The following SIK3 variants were observed in gnomAD, a reference collection of about 807,000 sequenced individuals.
SIK3 encodes serine/threonine-protein kinase SIK3.
In SIK3, 28 loss-of-function variants were observed where a neutral mutation model predicts 144.2. The observed-to-expected ratio is 0.19, with a 90% CI of 0.14 to 0.27. SIK3 has a LOEUF of 0.27. Ranked by LOEUF, SIK3 falls within the 10% of genes least tolerant of loss-of-function variation. The pLI, the probability that SIK3 is intolerant of heterozygous loss-of-function variation, is 1.00. For missense variants in SIK3, 1,319 were observed against 1,776.0 expected (o/e 0.74, Z 4.62); for synonymous variants, 686 against 676.3 (o/e 1.01, Z -0.22).
chr11:116,871,146 G>A (rs1279189092), intron 13 of SIK3, among the ~76,000 whole-genome samples: 1 of 152,204 alleles, frequency 6.6e-6, no homozygotes, highest in Non-Finnish European at 1.5e-5. Flanking sequence ...CCACCACAAT[G>A]CTTGTATCAC....
chr11:117,096,516 C>T (rs74799864), intron 1 of SIK3, among the ~76,000 whole-genome samples: 5,450 of 152,216 alleles, frequency 0.036, 311 homozygotes, highest in African/African-American at 0.12. Context: ...GTGAGGAGCA[C>T]ACCAAAGTCT....
intron 1 of SIK3, among the ~76,000 whole-genome samples, chr11:117,034,462 C>T (rs1249489116): frequency 6.6e-6 from 1 of 152,122 alleles, no homozygotes; most frequent in Non-Finnish European, 1.5e-5. Flanking sequence ...AAACACGATG[C>T]ACAATTGAAG....
At chr11:116,910,231 G>A (rs1439658833) in intron 4 of SIK3, among the ~76,000 whole-genome samples, 1 of 151,812 alleles carries the variant, frequency 6.6e-6, no homozygotes, top group Non-Finnish European at 1.5e-5. Context: ...AACAAGAGCT[G>A]TTAACGAAGA....
intron 4 of SIK3, among the ~76,000 whole-genome samples, chr11:116,900,224 T>C (rs1159835041): frequency 6.6e-6 from 1 of 152,184 alleles, no homozygotes; most frequent in Non-Finnish European, 1.5e-5. Flanking sequence ...CCTGTGTTAC[T>C]AGAAACACTG....
At chr11:117,010,377 G>A (rs1951205115) in intron 1 of SIK3, among the ~76,000 whole-genome samples, 1 of 152,308 alleles carries the variant, frequency 6.6e-6, no homozygotes, top group Non-Finnish European at 1.5e-5. Context: ...AATAAAAGCT[G>A]TGACAGGTAT....
intron 1 of SIK3, among the ~76,000 whole-genome samples, chr11:117,000,216 C>T (rs1950803267): frequency 6.6e-6 from 1 of 152,168 alleles, no homozygotes; most frequent in Admixed American, 6.5e-5. Flanking sequence ...TAACACTGTT[C>T]TACTATTTCT....
At chr11:117,000,264 A>G in intron 1 of SIK3, among the ~76,000 whole-genome samples, 1 of 152,224 alleles carries the variant, frequency 6.6e-6, no homozygotes, top group East Asian at 1.9e-4. Flanking sequence ...ATGTTGGGCA[A>G]GATAACATCT....
Position 117,023,617 on chromosome 11 carries a change from A to T in SIK3, c.274-66553T>A, listed in dbSNP as rs375244542. Among the ~76,000 whole-genome samples the T allele has an allele frequency of 9.5e-3, 1,033 of 109,026 alleles. 8 individuals are homozygous for T. The highest frequency in any genetic ancestry group is 0.014 in the Non-Finnish European group (760 of 55,920). The allele number at this position is 109,026 out of a possible 152,430, so 71.5% of individuals were successfully genotyped here. ...ACAAACAAACAAACAAACAAAAAAA[A>T]AAAAATATATATATATATATATATA... On this transcript the variant is annotated intron_variant, in intron 1 of 24. Coordinates refer to ENST00000445177, the MANE Select transcript of SIK3 (RefSeq NM_001366686.3).
Position 116,934,137 on chromosome 11 carries a change from C to T in SIK3, c.455-6757G>A, listed in dbSNP as rs560968867. ...TTTCTAACAAATGACACATTCTACC[C>T]TACTTAGTTGGTGTACTATCTGTCT... On this transcript the variant is annotated intron_variant, in intron 3 of 24. Coordinates refer to ENST00000445177, the MANE Select transcript of SIK3 (RefSeq NM_001366686.3). 4.6e-5 allele frequency among the ~76,000 whole-genome samples: 7 copies of T among 152,306 alleles called. No homozygotes were observed. The East Asian group carries it at 1.3e-3, about 29-fold the overall frequency.
chr11:117,013,003 C>T (rs1951331060), intron 1 of SIK3, among the ~76,000 whole-genome samples: 1 of 151,966 alleles, frequency 6.6e-6, no homozygotes, highest in Admixed American at 6.6e-5. Flanking sequence ...AAGCGCCCGC[C>T]ATTTGCCATT....
chr11:116,962,999 G>C (rs1949402829), intron 1 of SIK3, among the ~76,000 whole-genome samples: 1 of 152,122 alleles, frequency 6.6e-6, no homozygotes, highest in African/African-American at 2.4e-5. Context: ...TAATCTACCA[G>C]TTAAAGGACG....
At chr11:116,887,863 C>G (rs923878822) in intron 6 of SIK3, among the ~76,000 whole-genome samples, 1 of 152,152 alleles carries the variant, frequency 6.6e-6, no homozygotes, top group Non-Finnish European at 1.5e-5. Context: ...AATAAATCCT[C>G]TTTTAAATGT....
chr11:117,091,829 C>G (rs1955261535), intron 1 of SIK3, among the ~76,000 whole-genome samples: 1 of 152,178 alleles, frequency 6.6e-6, no homozygotes, highest in African/African-American at 2.4e-5. Context: ...GTCACCCAGG[C>G]TGGGATACAA....
chr11:117,033,640 C>T (rs1272127228), intron 1 of SIK3, among the ~76,000 whole-genome samples: 11 of 141,686 alleles, frequency 7.8e-5, no homozygotes, highest in African/African-American at 2.9e-4. Context: ...AGCCAGGAGG[C>T]GGAGCTTGCA....
At chr11:116,939,395 C>T (rs142455497) in intron 3 of SIK3, among the ~76,000 whole-genome samples, 94 of 152,340 alleles carry the variant, frequency 6.2e-4, no homozygotes, top group African/African-American at 1.9e-3. Flanking sequence ...ATCCACCTGC[C>T]TCGGCCTCCC....
intron 16 of SIK3, 102 bp from the exon 17 acceptor site, chr11:116,862,429 G>C: frequency 6.8e-7 from 1 of 1,471,694 alleles, no homozygotes; most frequent in Non-Finnish European, 9.4e-7. Flanking sequence ...TGGGCAGAAA[G>C]AGCCGCAAGA....
intron 1 of SIK3, among the ~76,000 whole-genome samples, chr11:117,055,370 CCA>C (rs1953467873): frequency 6.6e-6 from 1 of 152,200 alleles, no homozygotes; most frequent in African/African-American, 2.4e-5. Flanking sequence ...TTCATTTACT[CCA>C]CACAATCCTG....
intron 6 of SIK3, among the ~76,000 whole-genome samples, chr11:116,889,926 A>G (rs956239604): frequency 6.6e-6 from 1 of 152,228 alleles, no homozygotes; most frequent in Non-Finnish European, 1.5e-5. Flanking sequence ...AAATTATTTT[A>G]TAAACTCAAA....
chr11:116,863,561 G>T, intron 16 of SIK3, 107 bp downstream of exon 16: 2 of 1,494,226 alleles, frequency 1.3e-6, no homozygotes, highest in Non-Finnish European at 1.8e-6. Flanking sequence ...CTATAAAACT[G>T]CAATGTTGCT....
Sources: gnomAD v4.1 joint callset for allele counts (sites outside exome capture counted in the v4.1 genomes callset) on GRCh38, gnomAD v4.1.1 for gene constraint, MANE v1.5 for transcripts, NCBI Gene and HGNC (gene_info 2026-07-23, HGNC 2026-07-21) for gene names.